The following SPATA17 variants were observed in gnomAD, a reference collection of about 807,000 sequenced individuals.
SPATA17 encodes the protein spermatogenesis associated 17.
Under a neutral mutation model 62.2 loss-of-function variants are expected in SPATA17, and 53 were observed. The ratio of observed to expected loss-of-function variants is 0.85; its 90% CI spans 0.68 to 1.07. SPATA17 has a LOEUF of 1.07. SPATA17 is among the 50% of genes least tolerant of loss of function. SPATA17 has a pLI of 0.00. For synonymous variants in SPATA17, 146 were observed against 146.8 expected (o/e 0.99, Z 0.04); for missense variants, 466 against 425.5 (o/e 1.10, Z -0.84).
intron 3 of SPATA17, among the ~76,000 whole-genome samples, chr1:217,663,458 A>G (rs576983428): frequency 1.1e-3 from 161 of 152,208 alleles, no homozygotes; most frequent in Non-Finnish European, 1.9e-3. Flanking sequence ...AAAAAAAAAA[A>G]AGAACAGTTG....
chr1:217,699,699 T>A (rs546404858), intron 5 of SPATA17, among the ~76,000 whole-genome samples: 51 of 152,344 alleles, frequency 3.3e-4, no homozygotes, highest in Middle Eastern at 3.4e-3. Flanking sequence ...GAACATAACT[T>A]TTTAATTTTA....
rs775250349 is a variant in SPATA17, at chr1:217,633,580, G to A, written c.68+2134G>A. 3.9e-5 allele frequency among the ~76,000 whole-genome samples: 6 copies of A among 152,068 alleles called. No homozygotes were observed. The East Asian group carries it at 7.7e-4, about 20-fold the overall frequency. On this transcript the variant is annotated intron_variant, in intron 1 of 10. Transcript: ENST00000366933. ...CAACTAATCTAACTCTAAAACCTCC[G>A]CTGTTCACTGTCACTAAACAAAATT...
chr1:217,841,203 G>A (rs2103006914), intron 9 of SPATA17, among the ~76,000 whole-genome samples: 1 of 151,984 alleles, frequency 6.6e-6, no homozygotes, highest in South Asian at 2.1e-4. Flanking sequence ...GAAATTTCTA[G>A]TTACTTACAT....
intron 7 of SPATA17, among the ~76,000 whole-genome samples, chr1:217,775,497 G>A (rs1238416024): frequency 6.6e-6 from 1 of 152,064 alleles, no homozygotes; most frequent in Non-Finnish European, 1.5e-5. Flanking sequence ...AAGGTCAAGA[G>A]ATCAAGACCA....
At position 217,639,065 on chromosome 1, in the gene SPATA17, T is replaced by C. The variant is rs550382744; in HGVS notation, c.68+7619T>C. Among the ~76,000 whole-genome samples the C allele has an allele frequency of 3.2e-4, 48 of 152,040 alleles. 1 individual carries two copies. Among genetic ancestry groups the C allele is most frequent in the African/African-American group, 9.6e-4 (40 of 41,522 alleles). The stretch of plus-strand genomic sequence containing the variant: ...TAAAGAAATACCCTAGAAGAAAACT[T>C]CTAAACTGAAGAAAGAGTATGGCTT... On this transcript the variant is annotated intron_variant, in intron 1 of 10. Coordinates refer to ENST00000366933, the MANE Select transcript of SPATA17 (RefSeq NM_138796.4).
At chr1:217,771,803 T>G (rs1035747205) in intron 6 of SPATA17, among the ~76,000 whole-genome samples, 1 of 152,196 alleles carries the variant, frequency 6.6e-6, no homozygotes, top group Non-Finnish European at 1.5e-5. Context: ...CTGATCCATT[T>G]GCATTTCCCA....
chr1:217,863,547 ATAT>A (rs923966733), intron 10 of SPATA17, among the ~76,000 whole-genome samples: 2 of 152,204 alleles, frequency 1.3e-5, no homozygotes, highest in African/African-American at 4.8e-5. Flanking sequence ...ATCATTTCAA[ATAT>A]TATACTAAAT....
chr1:217,688,631 C>T (rs554361339), intron 5 of SPATA17, among the ~76,000 whole-genome samples: 70 of 152,270 alleles, frequency 4.6e-4, no homozygotes, highest in Non-Finnish European at 8.2e-4. Context: ...ACTTCCAAGC[C>T]TTTGCACGTG....
chr1:217,686,278 A>G (rs1671212939), intron 5 of SPATA17, among the ~76,000 whole-genome samples: 1 of 152,196 alleles, frequency 6.6e-6, no homozygotes, highest in African/African-American at 2.4e-5. Context: ...GGGGAAGGTC[A>G]ATCATTAACA....
chr1:217,701,830 C>A (rs1671607626), intron 5 of SPATA17, among the ~76,000 whole-genome samples: 1 of 152,042 alleles, frequency 6.6e-6, no homozygotes, highest in Non-Finnish European at 1.5e-5. Context: ...TTTCTTAAAT[C>A]TGCTCTCAAT....
chr1:217,850,753 T>C (rs1476914893), intron 9 of SPATA17: 1 of 662,642 alleles, frequency 1.5e-6, no homozygotes, highest in Non-Finnish European at 2.4e-6. Context: ...TATTCATACA[T>C]ATAGTTTTTA....
rs1056812090 is a variant in SPATA17, at chr1:217,678,833, G to A, written c.292-4425G>A. On this transcript the variant is annotated intron_variant, in intron 4 of 10. Transcript: ENST00000366933. The stretch of plus-strand genomic sequence containing the variant: ...CTTTGTTTAAAATTATCTATTCAGA[G>A]CTGATCAATGACAATAATTGTTTTA... 3.3e-5 allele frequency among the ~76,000 whole-genome samples: 5 copies of A among 152,110 alleles called. No homozygotes were observed. In the East Asian group the frequency reaches 9.7e-4, roughly 29 times the overall value.
rs1188300100 is a variant in SPATA17, at chr1:217,749,943, TTCTCTCTCTCTC to T, written c.519+7877_519+7888del. On this transcript the variant is annotated intron_variant, in intron 6 of 10. Transcript: ENST00000366933. ...TATCCTAGAGAAATTTGTCATAAGATTCTCTCTCTCTCTCTCTCTCTCTCTCTCTCTCTCTCT... is the reference window on the plus strand; with the variant it reads ...TATCCTAGAGAAATTTGTCATAAGATTCTCTCTCTCTCTCTCTCTCTCTCT... 7.5e-4 allele frequency among the ~76,000 whole-genome samples: 31 copies of T among 41,460 alleles called. 1 individual carries two copies. The highest frequency in any genetic ancestry group is 2.0e-3 in the African/African-American group (21 of 10,700). The allele number at this position is 41,460 out of a possible 152,430, so 27.2% of individuals were successfully genotyped here. A position where few individuals can be genotyped will look rare whatever the true frequency, so the allele number is the denominator to read the frequency against.
intron 2 of SPATA17, among the ~76,000 whole-genome samples, chr1:217,650,231 G>T (rs981166184): frequency 6.6e-6 from 1 of 152,010 alleles, no homozygotes; most frequent in East Asian, 1.9e-4. Flanking sequence ...GAGCCACGGC[G>T]CCTGGAAGAC....
intron 6 of SPATA17, among the ~76,000 whole-genome samples, chr1:217,749,825 T>A (rs910906157): frequency 6.6e-6 from 1 of 150,988 alleles, no homozygotes; most frequent in African/African-American, 2.4e-5. Flanking sequence ...AGCGTAAGCA[T>A]TCAAAATTCT....
chr1:217,660,196 T>A (rs1670535993), intron 3 of SPATA17, among the ~76,000 whole-genome samples: 1 of 152,192 alleles, frequency 6.6e-6, no homozygotes, highest in Non-Finnish European at 1.5e-5. Flanking sequence ...GAAGATCAAC[T>A]TTTCCTAATC....
rs202163621 is a variant in SPATA17, at chr1:217,822,243, ATTT to A, written c.1005+20397_1005+20399del. 6.3e-3 allele frequency among the ~76,000 whole-genome samples: 952 copies of A among 152,148 alleles called. 4 individuals are homozygous for A. The highest frequency in any genetic ancestry group is 0.021 in the African/African-American group (885 of 41,530). On this transcript the variant is annotated intron_variant, in intron 9 of 10. Coordinates refer to ENST00000366933, the MANE Select transcript of SPATA17 (RefSeq NM_138796.4). ...CTCTACATTCTCATCAACACTGAATATTTTTTATTATCATTAATTTTATAATAG... is the reference window on the plus strand; with the variant it reads ...CTCTACATTCTCATCAACACTGAATATTTATTATCATTAATTTTATAATAG...
intron 1 of SPATA17, among the ~76,000 whole-genome samples, chr1:217,639,756 A>G (rs1243529807): frequency 6.6e-6 from 1 of 152,042 alleles, no homozygotes; most frequent in Non-Finnish European, 1.5e-5. Context: ...TTGCTATAAT[A>G]ATTGTCCCAC....
In SPATA17 at chr1:217,662,805, G is replaced by A. The variant is rs1571714402; in HGVS notation, c.241-6228G>A. 2.0e-5 allele frequency among the ~76,000 whole-genome samples: 3 copies of A among 151,504 alleles called. No individual in the cohort carries two copies. In the South Asian group the frequency reaches 6.3e-4, roughly 32 times the overall value. ...ATTTCTCTTCATTAGATGAACACATGTTTATTTTTAGATGAGAAAATGCCC... is the reference window on the plus strand; with the variant it reads ...ATTTCTCTTCATTAGATGAACACATATTTATTTTTAGATGAGAAAATGCCC... On this transcript the variant is annotated intron_variant, in intron 3 of 10. Transcript: ENST00000366933.
Sources: allele counts gnomAD v4.1 joint callset (sites outside exome capture counted in the v4.1 genomes callset), GRCh38; gene constraint gnomAD v4.1.1; transcripts MANE v1.5; gene names NCBI Gene and HGNC (gene_info 2026-07-23, HGNC 2026-07-21).